MIDEAS: variants seen among roughly 807,000 people sequenced by gnomAD.
MIDEAS encodes the protein mitotic deacetylase associated SANT domain protein.
A neutral mutation model predicts 102.7 loss-of-function variants in MIDEAS; 26 were observed. That is an observed-to-expected ratio of 0.25 (90% confidence interval 0.19 to 0.35). The LOEUF (loss-of-function observed/expected upper bound fraction) is 0.35, where lower values mean the gene tolerates loss of function less well. Among genes scored for constraint, MIDEAS ranks in the 10% least tolerant of loss-of-function variants. The pLI is 1.00. For synonymous variants in MIDEAS, 585 were observed against 591.0 expected (o/e 0.99, Z 0.15); for missense variants, 1,231 against 1,435.6 (o/e 0.86, Z 2.30).
rs55692592 is a variant in MIDEAS at position 73,756,295 on chromosome 14, T to TGTGTGTGTGTGC, written c.-248+3467_-248+3468insGCACACACACAC. Among the ~76,000 whole-genome samples the TGTGTGTGTGTGC allele has an allele frequency of 9.4e-3, 1,194 of 127,696 alleles. 7 individuals carry two copies. The highest frequency in any genetic ancestry group is 0.014 in the Non-Finnish European group (786 of 55,018). The allele number at this position is 127,696 out of a possible 152,430, so 83.8% of individuals were successfully genotyped here. A position where few individuals can be genotyped will look rare whatever the true frequency, so the allele number is the denominator to read the frequency against. ...GTGTGTGTGTGTGTGTGTGTGTGTG[T>TGTGTGTGTGTGC]GCGCGCGCGCGTGCGCGCTGAGGTG... On this transcript the variant is annotated intron_variant, in intron 1 of 12. Transcript: ENST00000423556.
chr14:73,769,585 A>G (rs1241488839), intron 1 of MIDEAS, among the ~76,000 whole-genome samples: 1 of 137,768 alleles, frequency 7.3e-6, no homozygotes, highest in African/African-American at 2.6e-5. Context: ...GTGTTGCAAG[A>G]GGGTTTTTGT....
In MIDEAS at chr14:73,725,998, G is replaced by A; in HGVS notation, c.2485+35C>T. The A allele has an allele frequency of 6.5e-7, 1 of 1,548,430 alleles. No homozygotes were observed. The highest frequency in any genetic ancestry group is 8.8e-7 in the Non-Finnish European group (1 of 1,139,194). On this transcript the variant is annotated intron_variant, in intron 8 of 12. Coordinates refer to ENST00000423556, the MANE Select transcript of MIDEAS (RefSeq NM_001367710.1). The surrounding 1 kb of genome is among the most constrained non-coding windows in gnomAD (Gnocchi z 4.1). ...CCATGGATGCTGGAGACCTCTTGAG[G>A]CTCCAGGCACCATGCCCACCGCAGC...
At chr14:73,761,515 G>T (rs1366048499), upstream of MIDEAS, among the ~76,000 whole-genome samples, 2 of 152,178 alleles carry the variant, frequency 1.3e-5, no homozygotes, top group African/African-American at 4.8e-5. Flanking sequence ...TGTTATGATA[G>T]ATATGTCAAA....
intron 3 of MIDEAS, among the ~76,000 whole-genome samples, chr14:73,732,307 G>T (rs977662325): frequency 6.6e-6 from 1 of 152,160 alleles, no homozygotes; most frequent in African/African-American, 2.4e-5. Flanking sequence ...AGATATCAGA[G>T]GACAAATAGG....
intron 11 of MIDEAS, among the ~76,000 whole-genome samples, chr14:73,720,538 C>T (rs1010947448): frequency 4.6e-5 from 7 of 152,056 alleles, no homozygotes; most frequent in East Asian, 1.9e-4. Context: ...TGAGCCACTG[C>T]GCCCGGCCTA....
At chr14:73,773,064 C>T (rs937938116) in intron 1 of MIDEAS, among the ~76,000 whole-genome samples, 6 of 152,186 alleles carry the variant, frequency 3.9e-5, no homozygotes, top group Admixed American at 3.9e-4. Context: ...TCTCAAACTC[C>T]TGACCTCAGA....
At position 73,759,170 on chromosome 14, in the gene MIDEAS, C is replaced by G. The variant is rs993622912; in HGVS notation, c.-248+593G>C. ...TGCTGACTGCATTTGCCCCAGTTCC[C>G]CAACGCCCCTGCACCTCTGTCCCCC... On this transcript the variant is annotated intron_variant, in intron 1 of 12. Coordinates refer to ENST00000423556, the MANE Select transcript of MIDEAS (RefSeq NM_001367710.1). The surrounding 1 kb of genome is among the most constrained non-coding windows in gnomAD (Gnocchi z 6.7). 6.6e-6 allele frequency among the ~76,000 whole-genome samples: 1 copy of G among 152,134 alleles called. No individual in the cohort carries two copies. The highest frequency in any genetic ancestry group is 2.4e-5 in the African/African-American group (1 of 41,430).
chr14:73,781,377 T>A (rs2053755798), intron 1 of MIDEAS, among the ~76,000 whole-genome samples: 1 of 152,234 alleles, frequency 6.6e-6, no homozygotes, highest in Non-Finnish European at 1.5e-5. Flanking sequence ...AGTTTATACA[T>A]AACTTTTCAG....
upstream of MIDEAS, among the ~76,000 whole-genome samples, chr14:73,788,136 G>A (rs1266157158): frequency 6.6e-6 from 1 of 150,940 alleles, no homozygotes; most frequent in East Asian, 1.9e-4. Context: ...GAGAAAAAAC[G>A]GGGTTAGCCT....
At chr14:73,752,227 C>A (rs2053428672) in intron 1 of MIDEAS, among the ~76,000 whole-genome samples, 1 of 152,128 alleles carries the variant, frequency 6.6e-6, no homozygotes. Flanking sequence ...CTCATAGAAC[C>A]AAGACCTCAA....
rs1039375558 is a variant in MIDEAS at position 73,758,755 on chromosome 14, G to A, written c.-248+1008C>T. 4.5e-5 allele frequency: 7 copies of A among 154,676 alleles called. No individual in the cohort carries two copies. The East Asian group carries it at 1.2e-3, about 26-fold the overall frequency. 9.6% of individuals were successfully genotyped at this position (154,676 alleles called of 1,614,324 possible). On this transcript the variant is annotated intron_variant, in intron 1 of 12. Coordinates refer to ENST00000423556, the MANE Select transcript of MIDEAS (RefSeq NM_001367710.1). The stretch of plus-strand genomic sequence containing the variant: ...TCTCACCAGCTCTCGCTGGAGGCTG[G>A]GCTGGGACGGACACCCGGCCTCCAC...
At position 73,721,407 on chromosome 14, in the gene MIDEAS, C is replaced by T. The variant is rs768402164; in HGVS notation, c.2827G>A (p.Glu943Lys). 4 of 1,614,010 alleles carry T rather than the reference C, an allele frequency of 2.5e-6. No individual in the cohort carries two copies. The African/African-American group carries it at 4.0e-5, about 16-fold the overall frequency. The change falls in exon 11 of 13, where the codon GAG (glutamate) becomes AAG (lysine). Residue 943 changes from glutamate to lysine, a missense_variant. Transcript: ENST00000423556. ...REVKEPRKEG[E>K]EEVPEIQEKE... ...TCTTGGATCTCTGGCACCTCCTCCTCCCCCTCCTTCCTGGGCTCCTTCACC... is the reference window on the plus strand; with the variant it reads ...TCTTGGATCTCTGGCACCTCCTCCTTCCCCTCCTTCCTGGGCTCCTTCACC...
chr14:73,722,780 C>T lies in MIDEAS; in HGVS notation c.2642G>A (p.Gly881Asp). The T allele has an allele frequency of 6.2e-7, 1 of 1,614,194 alleles. No individual in the cohort carries two copies. Among genetic ancestry groups the T allele is most frequent in the Non-Finnish European group, 8.5e-7 (1 of 1,180,016 alleles). The change falls in exon 10 of 13, where the codon GGC (glycine) becomes GAC (aspartate). Residue 881 changes from glycine to aspartate, a missense_variant. Coordinates refer to ENST00000423556, the MANE Select transcript of MIDEAS (RefSeq NM_001367710.1). ...YYTYKKQVKI[G>D]RNGTLTFGDV... is the part of the protein sequence containing the mutation. ...CCCAAAGGTTAGAGTCCCATTGCGG[C>T]CGATTTTCACCTGCTTCTTGTAGGT...
intron 1 of MIDEAS, among the ~76,000 whole-genome samples, chr14:73,766,107 CT>C (rs2053590971): frequency 6.6e-6 from 1 of 152,252 alleles, no homozygotes; most frequent in African/African-American, 2.4e-5. Flanking sequence ...AAACCTCTGT[CT>C]TTGCTCCTAA....
intron 1 of MIDEAS, among the ~76,000 whole-genome samples, chr14:73,758,088 C>A (rs1340644995): frequency 6.6e-6 from 1 of 152,142 alleles, no homozygotes; most frequent in Admixed American, 6.5e-5. Context: ...GCTACACGGA[C>A]CAGAGTAACC....
At chr14:73,778,285 C>T (rs1313456486) in intron 1 of MIDEAS, among the ~76,000 whole-genome samples, 1 of 151,644 alleles carries the variant, frequency 6.6e-6, no homozygotes, top group Non-Finnish European at 1.5e-5. Flanking sequence ...ATCACTTGAA[C>T]CTGGGAGGCG....
In MIDEAS at chr14:73,726,087, G is replaced by A. The variant is rs1274055168; in HGVS notation, c.2431C>T (p.Leu811=). The change falls in exon 8 of 13, where the codon CTG becomes TTG. Residue 811 remains leucine, a synonymous_variant. Transcript: ENST00000423556. ...DILETLNKLL[L]KKPLRPHNHP... ...TTGTGGGGCCGCAGGGGCTTCTTCA[G>A]CAGCAGCTTATTCAGCGTTTCCTGG... The A allele has an allele frequency of 6.3e-7, 1 of 1,596,834 alleles. No homozygotes were observed. The highest frequency in any genetic ancestry group is 8.5e-7 in the Non-Finnish European group (1 of 1,172,608).
At chr14:73,726,145 AGGGG>A in intron 7 of MIDEAS, 37 bp from the exon 8 acceptor site, 1 of 1,520,258 alleles carries the variant, frequency 6.6e-7, no homozygotes, top group Non-Finnish European at 9.0e-7. Flanking sequence ...GGGCACTGAC[AGGGG>A]TGTCGGTGGT....
intron 3 of MIDEAS, among the ~76,000 whole-genome samples, chr14:73,732,638 T>G (rs1188860087): frequency 6.7e-6 from 1 of 150,190 alleles, no homozygotes; most frequent in East Asian, 1.9e-4. Context: ...ATACAAAAAT[T>G]GGCTGGGCAT....
Sources: allele counts gnomAD v4.1 joint callset (sites outside exome capture counted in the v4.1 genomes callset), GRCh38; gene constraint gnomAD v4.1.1; non-coding constraint Gnocchi (gnomAD v3.1); transcripts MANE v1.5; gene names NCBI Gene and HGNC (gene_info 2026-07-23, HGNC 2026-07-21).